Variants in SLC2A10 observed in about 807,000 individuals in gnomAD.
SLC2A10 encodes solute carrier family 2 member 10.
Under a neutral mutation model 32.1 loss-of-function variants are expected in SLC2A10, and 25 were observed. The observed-to-expected ratio is 0.78, with a 90% CI of 0.57 to 1.09. SLC2A10 has a LOEUF of 1.09. SLC2A10 is among the 50% of genes least tolerant of loss of function. The pLI is 0.00. For missense variants in SLC2A10, 673 were observed against 686.5 expected, an observed-to-expected ratio of 0.98 and a Z score of 0.22; for synonymous variants, 332 against 309.6, an observed-to-expected ratio of 1.07 and a Z score of -0.76.
rs1224071765 is a variant in SLC2A10 at position 46,725,863 on chromosome 20, T to TTG, written c.828_829dup (p.Gly277ValfsTer4). Reference sequence around the variant, plus strand: ...TCAGCCGTGCTGGCCTCTGTGGGGCTTGGCGCAGTGAAGGTGGCAGCTACC... The same window carrying TTG: ...TCAGCCGTGCTGGCCTCTGTGGGGCTTGTGGCGCAGTGAAGGTGGCAGCTACC... On this transcript the variant is annotated frameshift_variant, in exon 2 of 5. Coordinates refer to ENST00000359271, the MANE Select transcript of SLC2A10 (RefSeq NM_030777.4). LOFTEE classifies it high-confidence loss of function. 6.2e-7 allele frequency: 1 copy of TTG among 1,614,122 alleles called. No homozygotes were observed. The highest frequency in any genetic ancestry group is 8.5e-7 in the Non-Finnish European group (1 of 1,180,036).
In SLC2A10 at chr20:46,726,283, T is replaced by A; in HGVS notation, c.1247T>A (p.Leu416Gln). The change falls in exon 2 of 5, where the codon CTG (leucine) becomes CAG (glutamine). Residue 416 changes from leucine (L) to glutamine (Q), a missense_variant. By Grantham distance (113) the Leu-to-Gln change is moderately radical. Coordinates refer to ENST00000359271, the MANE Select transcript of SLC2A10 (RefSeq NM_030777.4). ...CTGCGCTGGACCGCACTGCTGTGCC[T>A]GATGGTCTTTGTCAGTGCCTTCTCC... Reference protein sequence around the residue: ...ALLRWTALLCLMVFVSAFSFG... With the variant: ...ALLRWTALLCQMVFVSAFSFG... The A allele has an allele frequency of 1.9e-6, 3 of 1,612,340 alleles. No individual in the cohort carries two copies. Among genetic ancestry groups the A allele is most frequent in the Non-Finnish European group, 1.7e-6 (2 of 1,180,038 alleles).
intron 1 of SLC2A10, among the ~76,000 whole-genome samples, chr20:46,718,695 A>G (rs1979387326): frequency 6.6e-6 from 1 of 151,620 alleles, no homozygotes; most frequent in Non-Finnish European, 1.5e-5. Context: ...TTTAATCTTT[A>G]TTTTATTTAT....
rs1060502311 is a variant in SLC2A10 at position 46,725,347 on chromosome 20, G to A, written c.311G>A (p.Gly104Asp). ...LAGSLAWLVL[G>D]RAVVGFAISL... ...GGTTCCCTGGCCTGGCTGGTCCTGG[G>A]CCGCGCTGTGGTTGGCTTCGCCATT... Residue 104 changes from glycine (G) to aspartate (D), a missense_variant, in exon 2 of 5, where the codon GGC becomes GAC. Physicochemically the swap from Gly to Asp is moderately conservative, Grantham distance 94 (BLOSUM62 -1). Transcript: ENST00000359271. 4.3e-6 allele frequency: 7 copies of A among 1,613,984 alleles called. No individual in the cohort carries two copies. Among genetic ancestry groups the A allele is most frequent in the Non-Finnish European group, 5.1e-6 (6 of 1,180,044 alleles).
Position 46,726,133 on chromosome 20 carries a change from C to T in SLC2A10, c.1097C>T (p.Pro366Leu). The T allele has an allele frequency of 6.2e-7, 1 of 1,614,254 alleles. No homozygotes were observed. The highest frequency in any genetic ancestry group is 1.7e-5 in the Admixed American group (1 of 60,038). ...AGGACCAATGAGGACCAAAGGGAGC[C>T]AATCTTGTCCACTGCTAAGAAAACC... ...IPRTNEDQRE[P>L]ILSTAKKTKP... The change falls in exon 2 of 5, where the codon CCA becomes CTA. Residue 366 changes from proline to leucine, a missense_variant. By Grantham distance (98) the Pro-to-Leu change is moderately conservative. Coordinates refer to ENST00000359271, the MANE Select transcript of SLC2A10 (RefSeq NM_030777.4).
rs1411418867 is a variant in SLC2A10 at position 46,733,678 on chromosome 20, C to A, written c.1548-78C>A. ...TGAAGGTGGGATTGGGTGGTGGGAA[C>A]CCCAGTGGAAGGTCCACTCCCCAGG... On this transcript the variant is annotated intron_variant, in intron 4 of 4. Transcript: ENST00000359271. The A allele has an allele frequency of 2.2e-5, 25 of 1,119,252 alleles. No individual in the cohort carries two copies. In the Middle Eastern group the frequency reaches 8.6e-4, roughly 39 times the overall value. The allele number at this position is 1,119,252 out of a possible 1,614,324, so 69.3% of individuals were successfully genotyped here.
rs1057524067 is a variant in SLC2A10 at position 46,726,305 on chromosome 20, C to T, written c.1269C>T (p.Phe423=). ...LLCLMVFVSA[F]SFGFGPVTWL... is the part of the protein sequence containing the mutation. ...GCCTGATGGTCTTTGTCAGTGCCTTCTCCTTTGGGTTTGGGCCAGGTAAGT... is the reference window on the plus strand; with the variant it reads ...GCCTGATGGTCTTTGTCAGTGCCTTTTCCTTTGGGTTTGGGCCAGGTAAGT... Residue 423 remains phenylalanine, a synonymous_variant, in exon 2 of 5, where the codon TTC becomes TTT. Coordinates refer to ENST00000359271, the MANE Select transcript of SLC2A10 (RefSeq NM_030777.4). The T allele has an allele frequency of 2.5e-5, 40 of 1,610,558 alleles. No individual in the cohort carries two copies. Among genetic ancestry groups the T allele is most frequent in the Non-Finnish European group, 3.2e-5 (38 of 1,180,042 alleles).
intron 1 of SLC2A10, chr20:46,714,476 T>C (rs1979109507): frequency 6.6e-6 from 1 of 152,412 alleles, no homozygotes; most frequent in Non-Finnish European, 1.5e-5. Context: ...CAGATGTGTA[T>C]ACCTGGAGGC....
At chr20:46,729,256 T>C (rs1171295559) in intron 3 of SLC2A10, 97 bp from the exon 4 acceptor site, 14 of 1,507,376 alleles carry the variant, frequency 9.3e-6, no homozygotes, top group Admixed American at 1.7e-5. Context: ...TTGAGTGAAC[T>C]GACTTTCCAT....
chr20:46,719,519 G>A lies in SLC2A10; in HGVS notation c.5-5522G>A, dbSNP rs118093035. Among the ~76,000 whole-genome samples the A allele has an allele frequency of 5.3e-4, 80 of 152,298 alleles. No individual in the cohort carries two copies. In the East Asian group the frequency reaches 7.9e-3, roughly 15 times the overall value. On this transcript the variant is annotated intron_variant, in intron 1 of 4. Coordinates refer to ENST00000359271, the MANE Select transcript of SLC2A10 (RefSeq NM_030777.4). ...GCAGGCAAGAAAGAATGAAAGCCACGTGAAAGGGATTCCCCTTATAAAACC... is the reference window on the plus strand; with the variant it reads ...GCAGGCAAGAAAGAATGAAAGCCACATGAAAGGGATTCCCCTTATAAAACC...
chr20:46,723,093 T>C (rs918516504), intron 1 of SLC2A10, among the ~76,000 whole-genome samples: 5 of 152,254 alleles, frequency 3.3e-5, no homozygotes, highest in Non-Finnish European at 7.4e-5. Flanking sequence ...TATATGGAGA[T>C]TGACAATCCA....
At chr20:46,731,261 C>T (rs560435767) in intron 4 of SLC2A10, among the ~76,000 whole-genome samples, 2 of 152,256 alleles carry the variant, frequency 1.3e-5, no homozygotes, top group South Asian at 4.1e-4. Context: ...TGCACCCCCA[C>T]ATACCTGCCA....
chr20:46,725,510 T>C lies in SLC2A10; in HGVS notation c.474T>C (p.Ala158=). ...LLSYALNYAL[A]GTPWGWRHMF... ...CCTATGCCCTCAACTATGCACTGGC[T>C]GGTACCCCCTGGGGATGGAGGCACA... The change falls in exon 2 of 5, where the codon GCT becomes GCC. Residue 158 remains alanine (A), a synonymous_variant. Transcript: ENST00000359271. 1 of 1,614,176 alleles carries C rather than the reference T, an allele frequency of 6.2e-7. No individual in the cohort carries two copies. The highest frequency in any genetic ancestry group is 8.5e-7 in the Non-Finnish European group (1 of 1,180,012).
intron 1 of SLC2A10, among the ~76,000 whole-genome samples, chr20:46,714,776 A>G (rs1390766985): frequency 1.3e-5 from 2 of 152,144 alleles, no homozygotes; most frequent in African/African-American, 4.8e-5. Context: ...GGTGATGGGA[A>G]CCATGGAAAG....
chr20:46,733,794 G>A lies in SLC2A10; in HGVS notation c.1586G>A (p.Gly529Asp), dbSNP rs750292263. ...TTTGGCCACAGGCAGAACTCCACTG[G>A]CATCCCGTACAGCCGCATCGAGATC... Reference protein sequence around the residue: ...LSFGHRQNSTGIPYSRIEISA... With the variant: ...LSFGHRQNSTDIPYSRIEISA... The change falls in exon 5 of 5, where the codon GGC becomes GAC. Residue 529 changes from glycine (G) to aspartate (D), a missense_variant. By Grantham distance (94) the Gly-to-Asp change is moderately conservative (BLOSUM62 -1). Transcript: ENST00000359271. The A allele has an allele frequency of 4.3e-6, 7 of 1,614,134 alleles. No homozygotes were observed. The East Asian group carries it at 1.1e-4, about 26-fold the overall frequency.
Position 46,729,459 on chromosome 20 carries a change from A to G in SLC2A10, c.1518A>G (p.Ala506=), listed in dbSNP as rs548796220. 2.2e-5 allele frequency: 35 copies of G among 1,614,016 alleles called. No homozygotes were observed. Among genetic ancestry groups the G allele is most frequent in the Middle Eastern group, 1.6e-4 (1 of 6,062 alleles). Residue 506 remains alanine, a synonymous_variant, in exon 4 of 5, where the codon GCA becomes GCG. Transcript: ENST00000359271. The part of the protein sequence containing the change: ...FVPETKGQSL[A]EIDQQFQKRR... ...CTGAAACAAAAGGCCAGTCGTTGGC[A>G]GAGATAGACCAGCAGTTCCAGAAGA...
chr20:46,727,125 C>A, intron 3 of SLC2A10, 139 bp downstream of exon 3: 1 of 1,179,010 alleles, frequency 8.5e-7, no homozygotes, highest in Non-Finnish European at 1.3e-6. Context: ...TCCAAGACGA[C>A]ATCCAGGACC....
chr20:46,712,879 T>C (rs1053393513), intron 1 of SLC2A10, among the ~76,000 whole-genome samples: 21 of 152,110 alleles, frequency 1.4e-4, no homozygotes, highest in African/African-American at 4.6e-4. Context: ...GATCTTGAAC[T>C]CATGAACTCA....
At chr20:46,709,848 C>T (rs1978804352) in intron 1 of SLC2A10, 108 bp downstream of exon 1, 2 of 1,360,314 alleles carry the variant, frequency 1.5e-6, no homozygotes, top group South Asian at 2.5e-5. Flanking sequence ...CCCCCAGGGC[C>T]GCCCCGGCCG....
intron 1 of SLC2A10, among the ~76,000 whole-genome samples, chr20:46,711,965 T>C (rs998497622): frequency 1.3e-5 from 2 of 152,204 alleles, no homozygotes; most frequent in African/African-American, 4.8e-5. Flanking sequence ...AATATTGGGA[T>C]TCTGGAGTCA....
Sources: gnomAD v4.1 joint callset for allele counts (sites outside exome capture counted in the v4.1 genomes callset) on GRCh38, gnomAD v4.1.1 for gene constraint, MANE v1.5 for transcripts, NCBI Gene and HGNC (gene_info 2026-07-23, HGNC 2026-07-21) for gene names.